The following GRIN3A variants were observed in gnomAD, a reference collection of about 807,000 sequenced individuals.
The protein encoded by GRIN3A is glutamate receptor ionotropic, NMDA 3A.
GRIN3A carries 47 observed loss-of-function variants against 92.4 expected under a neutral mutation model. The observed-to-expected ratio is 0.51, with a 90% CI of 0.40 to 0.65. The LOEUF is 0.65. Among genes scored for constraint, GRIN3A ranks in the 30% least tolerant of loss-of-function variants. GRIN3A has a pLI of 0.00. For missense variants in GRIN3A, 1,324 were observed against 1,393.1 expected (o/e 0.95, Z 0.79); for synonymous variants, 527 against 540.6 (o/e 0.97, Z 0.35).
chr9:101,632,012 C>G (rs1386362095), intron 3 of GRIN3A, among the ~76,000 whole-genome samples: 1 of 152,224 alleles, frequency 6.6e-6, no homozygotes, highest in Non-Finnish European at 1.5e-5. Context: ...CACATGGCCT[C>G]TAAGGTTCAG....
intron 1 of GRIN3A, among the ~76,000 whole-genome samples, chr9:101,694,414 C>T (rs1829655907): frequency 6.6e-6 from 1 of 152,112 alleles, no homozygotes; most frequent in Non-Finnish European, 1.5e-5. Context: ...GAGTGTCGGG[C>T]ATAACAGGTT....
At position 101,653,560 on chromosome 9, in the gene GRIN3A, T is replaced by C. The variant is rs576679344; in HGVS notation, c.2352+16500A>G. ...ACAGATAAAATACTTTTTAAAATAA[T>C]GTTGCTTTCCTAGTAAAACCAACTT... is the stretch of plus-strand genomic sequence containing the variant. On this transcript the variant is annotated intron_variant, in intron 3 of 8. Transcript: ENST00000361820. Among the ~76,000 whole-genome samples, 4 of 152,060 alleles carry C rather than the reference T, an allele frequency of 2.6e-5. No individual in the cohort carries two copies. In the South Asian group the frequency reaches 8.3e-4, roughly 31 times the overall value.
chr9:101,702,788 C>G (rs1462162140), intron 1 of GRIN3A, among the ~76,000 whole-genome samples: 1 of 152,172 alleles, frequency 6.6e-6, no homozygotes, highest in East Asian at 1.9e-4. Flanking sequence ...TCTAGATACC[C>G]CTGCCAAATT....
Position 101,572,839 on chromosome 9 carries a change from G to A in GRIN3A, c.*335C>T, listed in dbSNP as rs1827777777. The A allele has an allele frequency of 9.1e-6, 3 of 327,880 alleles. No individual in the cohort carries two copies. The highest frequency in any genetic ancestry group is 4.2e-5 in the African/African-American group (2 of 47,502). The allele number at this position is 327,880 out of a possible 1,614,324, so 20.3% of individuals were successfully genotyped here. ...AACAATTTTATCTCTTGTTGGTAGT[G>A]CAGAGAAAGGGCTAAAAACCAGAAA... On this transcript the variant is annotated 3_prime_UTR_variant, in exon 9 of 9. Transcript: ENST00000361820.
chr9:101,649,668 G>A (rs1241896448), intron 3 of GRIN3A, among the ~76,000 whole-genome samples: 1 of 151,896 alleles, frequency 6.6e-6, no homozygotes, highest in African/African-American at 2.4e-5. Flanking sequence ...GGATTTTTGT[G>A]CTTCTCCTAT....
chr9:101,634,696 GA>G (rs1235983791), intron 3 of GRIN3A, among the ~76,000 whole-genome samples: 4 of 152,158 alleles, frequency 2.6e-5, no homozygotes, highest in Admixed American at 2.6e-4. Context: ...CAAGTCTTGT[GA>G]AAATCCAACT....
intron 3 of GRIN3A, among the ~76,000 whole-genome samples, chr9:101,633,990 T>A (rs1828746193): frequency 6.6e-6 from 1 of 152,090 alleles, no homozygotes; most frequent in Admixed American, 6.5e-5. Context: ...TCCTATGAAG[T>A]GCCTGTTACG....
intron 6 of GRIN3A, among the ~76,000 whole-genome samples, chr9:101,610,824 C>T (rs538196358): frequency 1.1e-4 from 17 of 152,086 alleles, no homozygotes; most frequent in East Asian, 9.7e-4. Context: ...TTTAGCCAGG[C>T]GCGGTGGCTC....
At chr9:101,594,288 T>C (rs1051458232) in intron 6 of GRIN3A, 7 of 1,288,014 alleles carry the variant, frequency 5.4e-6, no homozygotes, top group African/African-American at 3.0e-5. Context: ...TTAGGACATA[T>C]GGCTTCACAA....
At chr9:101,664,906 C>A (rs919196759) in intron 3 of GRIN3A, among the ~76,000 whole-genome samples, 2 of 151,884 alleles carry the variant, frequency 1.3e-5, no homozygotes, top group African/African-American at 4.8e-5. Context: ...GTTACAGATA[C>A]GTAGCCAGGG....
intron 1 of GRIN3A, among the ~76,000 whole-genome samples, chr9:101,709,336 C>G (rs1005405389): frequency 3.3e-5 from 5 of 152,114 alleles, no homozygotes; most frequent in Non-Finnish European, 5.9e-5. Flanking sequence ...AGGGGGTAAT[C>G]TAAAGGCAGC....
At chr9:101,698,163 T>C (rs934991234) in intron 1 of GRIN3A, among the ~76,000 whole-genome samples, 2 of 152,212 alleles carry the variant, frequency 1.3e-5, no homozygotes, top group African/African-American at 2.4e-5. Context: ...GTCAAATACA[T>C]TTTCTGGGTT....
chr9:101,633,748 C>A (rs1416173689), intron 3 of GRIN3A, among the ~76,000 whole-genome samples: 1 of 152,158 alleles, frequency 6.6e-6, no homozygotes, highest in Non-Finnish European at 1.5e-5. Context: ...CACCCACCCC[C>A]AACCCATCCA....
At chr9:101,684,118 CTT>C (rs763931757) in intron 2 of GRIN3A, among the ~76,000 whole-genome samples, 2 of 123,780 alleles carry the variant, frequency 1.6e-5, no homozygotes, top group African/African-American at 5.9e-5. Flanking sequence ...TTCTTTCTTT[CTT>C]TTTTTTTTTG....
intron 1 of GRIN3A, among the ~76,000 whole-genome samples, chr9:101,704,915 G>C (rs944900977): frequency 6.6e-6 from 1 of 152,156 alleles, no homozygotes; most frequent in African/African-American, 2.4e-5. Context: ...AGGAGCGTCT[G>C]TATTGGGAAT....
intron 6 of GRIN3A, among the ~76,000 whole-genome samples, chr9:101,599,880 G>A (rs891108375): frequency 3.3e-5 from 5 of 152,106 alleles, no homozygotes; most frequent in Admixed American, 1.3e-4. Context: ...TAGCATTGCC[G>A]GTCACCATAT....
At chr9:101,713,234 C>T (rs560327240) in intron 1 of GRIN3A, among the ~76,000 whole-genome samples, 4 of 152,252 alleles carry the variant, frequency 2.6e-5, no homozygotes, top group East Asian at 1.9e-4. Context: ...CCAAGAAGAA[C>T]GTGTTTGGGA....
Position 101,572,238 on chromosome 9 carries a change from G to C in GRIN3A, c.*936C>G, listed in dbSNP as rs1827770935. The C allele has an allele frequency of 6.6e-6, 1 of 152,652 alleles. No individual in the cohort carries two copies. Among genetic ancestry groups the C allele is most frequent in the African/African-American group, 2.4e-5 (1 of 41,448 alleles). The allele number at this position is 152,652 out of a possible 1,614,324, so 9.5% of individuals were successfully genotyped here. Reference sequence around the variant, plus strand: ...CTGAAAATGGCCTAGTGTGTGGTGTGTAGAACATTTCACCCACAGTGTCAC... The same window carrying C: ...CTGAAAATGGCCTAGTGTGTGGTGTCTAGAACATTTCACCCACAGTGTCAC... On this transcript the variant is annotated 3_prime_UTR_variant, in exon 9 of 9. Coordinates refer to ENST00000361820, the MANE Select transcript of GRIN3A (RefSeq NM_133445.3).
chr9:101,651,842 C>A (rs992764575), intron 3 of GRIN3A, among the ~76,000 whole-genome samples: 1 of 151,836 alleles, frequency 6.6e-6, no homozygotes, highest in Non-Finnish European at 1.5e-5. Flanking sequence ...AAGCATAAAT[C>A]CTGAATGCTA....
Sources: gnomAD v4.1 joint callset for allele counts (sites outside exome capture counted in the v4.1 genomes callset) on GRCh38, gnomAD v4.1.1 for gene constraint, MANE v1.5 for transcripts, NCBI Gene and HGNC (gene_info 2026-07-23, HGNC 2026-07-21) for gene names.